The following LRFN5 variants were observed in gnomAD, a reference collection of about 807,000 sequenced individuals.
LRFN5 encodes leucine-rich repeat and fibronectin type-III domain-containing protein 5.
Under a neutral mutation model 45.6 loss-of-function variants are expected in LRFN5, and 24 were observed. The ratio of observed to expected loss-of-function variants is 0.53; its 90% CI spans 0.38 to 0.74. The LOEUF (loss-of-function observed/expected upper bound fraction) is 0.74, where lower values mean the gene tolerates loss of function less well. Among genes scored for constraint, LRFN5 ranks in the 30% least tolerant of loss-of-function variants. The pLI is 0.00. For synonymous variants in LRFN5, 340 were observed against 313.8 expected (o/e 1.08, Z -0.88); for missense variants, 776 against 861.5 (o/e 0.90, Z 1.24).
At chr14:41,885,148 G>A in intron 2 of LRFN5, among the ~76,000 whole-genome samples, 1 of 97,376 alleles carries the variant, frequency 1.0e-5, no homozygotes, top group African/African-American at 3.9e-5. Flanking sequence ...TTTGAGCCCT[G>A]TCTCTACAAA....
At chr14:41,891,188 G>A (rs941218136) in intron 3 of LRFN5, 62 bp from the exon 4 acceptor site, 3 of 1,293,354 alleles carry the variant, frequency 2.3e-6, no homozygotes, top group African/African-American at 3.0e-5. Context: ...AAGTCATAAT[G>A]ACTTTCTGTG....
At chr14:41,793,597 G>T (rs973291030) in intron 2 of LRFN5, among the ~76,000 whole-genome samples, 27 of 151,834 alleles carry the variant, frequency 1.8e-4, no homozygotes, top group African/African-American at 6.0e-4. Flanking sequence ...CAACTGGGAC[G>T]TTTCAGCTGT....
chr14:41,900,792 G>A (rs142681999), intron 5 of LRFN5, among the ~76,000 whole-genome samples: 53 of 152,214 alleles, frequency 3.5e-4, no homozygotes, highest in African/African-American at 1.3e-3. Flanking sequence ...ACCACTGTGA[G>A]AAGACCAAAC....
chr14:41,635,837 C>T (rs1363515195), intron 1 of LRFN5, among the ~76,000 whole-genome samples: 1 of 152,066 alleles, frequency 6.6e-6, no homozygotes, highest in Non-Finnish European at 1.5e-5. Context: ...GTAGGCATAA[C>T]TCAAGGTGTT....
intron 2 of LRFN5, among the ~76,000 whole-genome samples, chr14:41,770,751 C>G (rs1004748615): frequency 2.6e-5 from 4 of 152,116 alleles, no homozygotes; most frequent in Non-Finnish European, 5.9e-5. Context: ...GCAGAGGGTT[C>G]AAGCTGCCAG....
chr14:41,877,560 T>C (rs1890228528), intron 2 of LRFN5, among the ~76,000 whole-genome samples: 1 of 152,140 alleles, frequency 6.6e-6, no homozygotes, highest in Admixed American at 6.5e-5. Context: ...GTAATTGGTG[T>C]CTTATCTGTA....
At chr14:41,618,876 G>A (rs1333972713) in intron 1 of LRFN5, among the ~76,000 whole-genome samples, 2 of 152,082 alleles carry the variant, frequency 1.3e-5, no homozygotes, top group Non-Finnish European at 2.9e-5. Context: ...GGCAGAATAT[G>A]TTTTTTTCTT....
intron 1 of LRFN5, among the ~76,000 whole-genome samples, chr14:41,609,920 T>C (rs1201203804): frequency 6.6e-6 from 1 of 152,232 alleles, no homozygotes; most frequent in Non-Finnish European, 1.5e-5. Context: ...TGCAGACTTC[T>C]AGCTGGCCGA....
chr14:41,871,134 A>C (rs1890005150), intron 2 of LRFN5, among the ~76,000 whole-genome samples: 1 of 152,132 alleles, frequency 6.6e-6, no homozygotes, highest in Non-Finnish European at 1.5e-5. Context: ...AAAATCATCC[A>C]ATTCTATTTT....
At chr14:41,748,493 A>G (rs1406934630) in intron 1 of LRFN5, among the ~76,000 whole-genome samples, 1 of 152,090 alleles carries the variant, frequency 6.6e-6, no homozygotes, top group Non-Finnish European at 1.5e-5. Context: ...TGGAATGGTG[A>G]TTGCAAGGGG....
chr14:41,825,518 ACT>A (rs1422222520), intron 2 of LRFN5, among the ~76,000 whole-genome samples: 1 of 152,056 alleles, frequency 6.6e-6, no homozygotes, highest in African/African-American at 2.4e-5. Flanking sequence ...TGCTGCACTC[ACT>A]CTCTTTCCCC....
At chr14:41,739,908 C>A (rs1412371819) in intron 1 of LRFN5, among the ~76,000 whole-genome samples, 1 of 151,672 alleles carries the variant, frequency 6.6e-6, no homozygotes, top group Non-Finnish European at 1.5e-5. Context: ...GACCTAAAGA[C>A]TATCATGGAC....
intron 2 of LRFN5, among the ~76,000 whole-genome samples, chr14:41,877,676 T>C (rs1379520287): frequency 6.6e-6 from 1 of 151,988 alleles, no homozygotes; most frequent in Non-Finnish European, 1.5e-5. Context: ...AATTACAGGA[T>C]ACTATATTAA....
At chr14:41,716,338 T>A (rs1883495155) in intron 1 of LRFN5, among the ~76,000 whole-genome samples, 1 of 152,208 alleles carries the variant, frequency 6.6e-6, no homozygotes, top group East Asian at 1.9e-4. Context: ...ATATTTTCTT[T>A]TTTATTGCAT....
rs148541151 is a variant in LRFN5, at chr14:41,765,682, C to A, written c.-196-1172C>A. Among the ~76,000 whole-genome samples the A allele has an allele frequency of 7.2e-5, 11 of 152,094 alleles. No homozygotes were observed. The East Asian group carries it at 2.1e-3, about 29-fold the overall frequency. The stretch of plus-strand genomic sequence containing the variant: ...ATTCATATTTGTGTATGTGGTATGT[C>A]CCAGTTATTCTAAAATGCTATAGTA... On this transcript the variant is annotated intron_variant, in intron 1 of 5. Coordinates refer to ENST00000298119, the MANE Select transcript of LRFN5 (RefSeq NM_152447.5).
At chr14:41,791,712 C>T (rs1472345000) in intron 2 of LRFN5, among the ~76,000 whole-genome samples, 1 of 152,008 alleles carries the variant, frequency 6.6e-6, no homozygotes, top group Non-Finnish European at 1.5e-5. Context: ...TTTGATGATA[C>T]TATGTTTCCA....
intron 1 of LRFN5, among the ~76,000 whole-genome samples, chr14:41,644,932 T>C (rs528619340): frequency 6.6e-6 from 1 of 152,284 alleles, no homozygotes; most frequent in Admixed American, 6.5e-5. Flanking sequence ...AAAACATGGT[T>C]TCTTTTTTAT....
intron 2 of LRFN5, among the ~76,000 whole-genome samples, chr14:41,882,339 T>G (rs140299948): frequency 6.6e-6 from 1 of 152,092 alleles, no homozygotes; most frequent in Non-Finnish European, 1.5e-5. Context: ...CCCTACGCAT[T>G]TTGTGGTTAA....
At chr14:41,856,659 A>AATTGTTATTATT (rs1889464084) in intron 2 of LRFN5, among the ~76,000 whole-genome samples, 1 of 49,718 alleles carries the variant, frequency 2.0e-5, no homozygotes, top group Non-Finnish European at 3.6e-5. Context: ...TTTCTTTCCT[A>AATTGTTATTATT]ATTATTATTA....
Sources: gnomAD v4.1 joint callset for allele counts (sites outside exome capture counted in the v4.1 genomes callset) on GRCh38, gnomAD v4.1.1 for gene constraint, MANE v1.5 for transcripts, NCBI Gene and HGNC (gene_info 2026-07-23, HGNC 2026-07-21) for gene names.